Variants in USP35 observed in about 807,000 individuals in gnomAD.
USP35 encodes the protein ubiquitin carboxyl-terminal hydrolase 35.
USP35 carries 69 observed loss-of-function variants against 83.8 expected under a neutral mutation model. The ratio of observed to expected loss-of-function variants is 0.82; its 90% CI spans 0.68 to 1.01. USP35 has a LOEUF of 1.01. Ranked by LOEUF, USP35 falls within the 50% of genes least tolerant of loss-of-function variation. The pLI is 0.00. For missense variants in USP35, 1,503 were observed against 1,362.5 expected (o/e 1.10, Z -1.62); for synonymous variants, 714 against 589.5 (o/e 1.21, Z -3.06).
the USP35 span, chr11:78,222,123 T>G: frequency 6.2e-7 from 1 of 1,612,770 alleles, no homozygotes; most frequent in Non-Finnish European, 8.5e-7. Flanking sequence ...AGACCAAGAC[T>G]TGGTGATAGG....
At chr11:78,215,583 C>T (rs1022305423), downstream of USP35, 7 of 152,570 alleles carry the variant, frequency 4.6e-5, no homozygotes, top group East Asian at 1.3e-3. Context: ...AGCCCATTTT[C>T]TCTTCCTGAC....
At position 78,209,978 on chromosome 11, in the gene USP35, AAG is replaced by A. The variant is rs1863686186; in HGVS notation, c.2126_2127del (p.Glu709GlyfsTer19). On this transcript the variant is annotated frameshift_variant, in exon 10 of 11. Transcript: ENST00000529308. LOFTEE classifies it high-confidence loss of function. ...ACCAGAGGGGAAGGAGAGAGGGAGAAAGAGGAGGAGGTGGAAGAGGAAGAAGA... is the reference window on the plus strand; with the variant it reads ...ACCAGAGGGGAAGGAGAGAGGGAGAAAGGAGGAGGTGGAAGAGGAAGAAGA... 1.2e-6 allele frequency: 2 copies of A among 1,612,668 alleles called. No homozygotes were observed. The highest frequency in any genetic ancestry group is 2.2e-5 in the South Asian group (2 of 90,972).
the USP35 span, among the ~76,000 whole-genome samples, chr11:78,221,155 T>C: frequency 6.6e-6 from 1 of 152,236 alleles, no homozygotes; most frequent in African/African-American, 2.4e-5. Context: ...AGTCCTGTGT[T>C]CTGTTTGTTG....
intron 9 of USP35, among the ~76,000 whole-genome samples, 177 bp downstream of exon 9, chr11:78,209,140 A>G (rs972405028): frequency 6.6e-6 from 1 of 152,120 alleles, no homozygotes; most frequent in African/African-American, 2.4e-5. Flanking sequence ...GAGGTTTGGT[A>G]GATGCTGAGT....
In USP35 at chr11:78,200,124, C is replaced by G. The variant is rs760848771; in HGVS notation, c.937-9C>G. On this transcript the variant is annotated splice_polypyrimidine_tract_variant and intron_variant, in intron 4 of 10. Coordinates refer to ENST00000529308, the MANE Select transcript of USP35 (RefSeq NM_020798.4). ...GCCTGGGGACTCCTGACCAGGGACT[C>G]TCTTGTAGGTTTTCTCTAAGCTGCT... The G allele has an allele frequency of 7.4e-6, 12 of 1,614,036 alleles. No individual in the cohort carries two copies. The African/African-American group carries it at 1.2e-4, about 16-fold the overall frequency.
downstream of USP35, chr11:78,219,431 G>A (rs1464455705): frequency 1.2e-6 from 2 of 1,612,848 alleles, no homozygotes; most frequent in Non-Finnish European, 1.7e-6. Context: ...GGGACAGAGT[G>A]GGAAAGAGGG....
the USP35 span, among the ~76,000 whole-genome samples, chr11:78,231,118 G>C: frequency 6.6e-6 from 1 of 152,130 alleles, no homozygotes; most frequent in African/African-American, 2.4e-5. Flanking sequence ...TATCAGATGA[G>C]GAAAACAGTA....
At position 78,213,665 on chromosome 11, in the gene USP35, G is replaced by T; in HGVS notation, c.2909G>T (p.Arg970Leu). ...TCCCAGGAGCAGGAGAAGGAGGCCC[G>T]GAGCAGGGCGGCCTACATCTCTGCA... The part of the protein sequence containing the change: ...LYLQEQEKEA[R>L]SRAAYISALP... Residue 970 changes from arginine (R) to leucine (L), a missense_variant, in exon 11 of 11, where the codon CGG (arginine) becomes CTG (leucine). Arg to Leu is a moderately radical substitution (Grantham distance 102). Transcript: ENST00000529308. 1 of 1,498,036 alleles carries T rather than the reference G, an allele frequency of 6.7e-7. No individual in the cohort carries two copies. The highest frequency in any genetic ancestry group is 8.8e-7 in the Non-Finnish European group (1 of 1,130,188). 92.8% of individuals were successfully genotyped at this position (1,498,036 alleles called of 1,614,324 possible). A position where few individuals can be genotyped will look rare whatever the true frequency, so the allele number is the denominator to read the frequency against.
chr11:78,188,958 C>G lies in USP35; in HGVS notation c.-210C>G. 1 of 985,644 alleles carries G rather than the reference C, an allele frequency of 1.0e-6. No individual in the cohort carries two copies. The highest frequency in any genetic ancestry group is 1.2e-6 in the Non-Finnish European group (1 of 830,078). The allele number at this position is 985,644 out of a possible 1,614,324, so 61.1% of individuals were successfully genotyped here. ...GCCGCAGAGTCGGGCTTCCTGGATACATAGAGGCTTGTGCCAGGCGGGGTG... is the reference window on the plus strand; with the variant it reads ...GCCGCAGAGTCGGGCTTCCTGGATAGATAGAGGCTTGTGCCAGGCGGGGTG... On this transcript the variant is annotated 5_prime_UTR_variant, in exon 1 of 11. Transcript: ENST00000529308.
chr11:78,189,440 T>C (rs893955878), intron 1 of USP35, among the ~76,000 whole-genome samples: 3 of 152,160 alleles, frequency 2.0e-5, no homozygotes, highest in Non-Finnish European at 2.9e-5. Context: ...TGGCTTTTCG[T>C]GGGGCCCTCC....
At chr11:78,211,483 T>C (rs542922787) in intron 10 of USP35, among the ~76,000 whole-genome samples, 1 of 152,352 alleles carries the variant, frequency 6.6e-6, no homozygotes, top group South Asian at 2.1e-4. Flanking sequence ...ATGGGATTGC[T>C]GGGTCAAATG....
At chr11:78,221,056 C>G in the USP35 span, among the ~76,000 whole-genome samples, 4 of 152,212 alleles carry the variant, frequency 2.6e-5, no homozygotes, top group Non-Finnish European at 5.9e-5. Context: ...ATGACACGCT[C>G]TAGGATCCTG....
At chr11:78,192,403 C>T (rs942909037) in intron 1 of USP35, among the ~76,000 whole-genome samples, 1 of 152,236 alleles carries the variant, frequency 6.6e-6, no homozygotes, top group African/African-American at 2.4e-5. Flanking sequence ...TCTCTCTGAG[C>T]CTCACTTTCT....
In USP35 at chr11:78,206,033, T is replaced by G. The variant is rs751650752; in HGVS notation, c.1389T>G (p.Ser463=). 2 of 1,611,142 alleles carry G rather than the reference T, an allele frequency of 1.2e-6. No homozygotes were observed. The highest frequency in any genetic ancestry group is 2.2e-5 in the South Asian group (2 of 90,916). ...NSILQALFMA[S]DFRHCVLRLT... ...TCCTTCAGGCCTTATTCATGGCGTC[T>G]GAGTAGGTGCTGCTTTGGAATTCCC... The change falls in exon 7 of 11, where the codon TCT becomes TCG. Residue 463 remains serine, a splice_region_variant and synonymous_variant. Coordinates refer to ENST00000529308, the MANE Select transcript of USP35 (RefSeq NM_020798.4).
chr11:78,210,314 G>A lies in USP35; in HGVS notation c.2459G>A (p.Arg820His), dbSNP rs1430120742. 1.4e-5 allele frequency: 22 copies of A among 1,613,474 alleles called. No individual in the cohort carries two copies. The South Asian group carries it at 1.6e-4, about 12-fold the overall frequency. Residue 820 changes from arginine to histidine, a missense_variant, in exon 10 of 11, where the codon CGC becomes CAC. Transcript: ENST00000529308. ...TCTTTCGACCTGCGCACCATGCGGC[G>A]CCGCAAGATCCTGGATGACGTCTCC... ...RFSFDLRTMR[R>H]RKILDDVSIP...
At chr11:78,220,144 AGTCTTTAGACC>A (rs565610875), downstream of USP35, among the ~76,000 whole-genome samples, 153 of 152,276 alleles carry the variant, frequency 1.0e-3, no homozygotes, top group African/African-American at 3.6e-3. Flanking sequence ...CAGGAATAGG[AGTCTTTAGACC>A]TAGATGAAAG....
chr11:78,222,605 C>T, the USP35 span, among the ~76,000 whole-genome samples: 595 of 150,976 alleles, frequency 3.9e-3, 3 homozygotes, highest in African/African-American at 0.014. Flanking sequence ...TTTTTTAAGA[C>T]GGGGTCTCAC....
At position 78,209,997 on chromosome 11, in the gene USP35, GGAA is replaced by G. The variant is rs1406762327; in HGVS notation, c.2148_2150del (p.Glu717del). ...GGGAGAAAGAGGAGGAGGTGGAAGA[GGAA>G]GAAGAGAAGGTGGAGAAGGAGACAG... On this transcript the variant is annotated inframe_deletion, in exon 10 of 11. Transcript: ENST00000529308. The G allele has an allele frequency of 8.7e-6, 14 of 1,613,388 alleles. No individual in the cohort carries two copies. Among genetic ancestry groups the G allele is most frequent in the South Asian group, 2.2e-5 (2 of 91,056 alleles).
At chr11:78,223,564 G>A in the USP35 span, 5 of 1,613,846 alleles carry the variant, frequency 3.1e-6, no homozygotes. Flanking sequence ...GACGCTCTGG[G>A]AATTATCACC....
Sources: allele counts gnomAD v4.1 joint callset (sites outside exome capture counted in the v4.1 genomes callset), GRCh38; gene constraint gnomAD v4.1.1; transcripts MANE v1.5; gene names NCBI Gene and HGNC (gene_info 2026-07-23, HGNC 2026-07-21).